CNTNAP2: variants seen among roughly 807,000 people sequenced by gnomAD.
CNTNAP2 encodes the protein contactin-associated protein-like 2.
A neutral mutation model predicts 155.2 loss-of-function variants in CNTNAP2; 98 were observed. The ratio of observed to expected loss-of-function variants is 0.63; its 90% CI spans 0.54 to 0.75. The LOEUF is 0.75. Among genes scored for constraint, CNTNAP2 ranks in the 30% least tolerant of loss-of-function variants. The pLI, the probability that CNTNAP2 is intolerant of heterozygous loss-of-function variation, is 0.00. For missense variants in CNTNAP2, 1,727 were observed against 1,688.1 expected (o/e 1.02, Z -0.40); for synonymous variants, 651 against 631.2 (o/e 1.03, Z -0.47).
intron 4 of CNTNAP2, among the ~76,000 whole-genome samples, chr7:147,102,446 C>G (rs1225312303): frequency 6.6e-6 from 1 of 152,036 alleles, no homozygotes; most frequent in Non-Finnish European, 1.5e-5. Flanking sequence ...TTCCAAGTTA[C>G]TGGATTGGAA....
chr7:147,460,871 C>G (rs1252364688), intron 10 of CNTNAP2, among the ~76,000 whole-genome samples: 1 of 152,152 alleles, frequency 6.6e-6, no homozygotes, highest in Non-Finnish European at 1.5e-5. Flanking sequence ...TATTCTGCAT[C>G]TAGTTAGGGA....
intron 1 of CNTNAP2, among the ~76,000 whole-genome samples, chr7:146,493,383 G>A (rs1026624800): frequency 2.0e-5 from 3 of 152,126 alleles, no homozygotes; most frequent in Admixed American, 6.6e-5. Flanking sequence ...GATTGTTTTG[G>A]AGTCATGTTT....
intron 3 of CNTNAP2, among the ~76,000 whole-genome samples, chr7:146,934,900 C>T (rs1796878107): frequency 1.3e-5 from 2 of 152,122 alleles, no homozygotes; most frequent in Admixed American, 6.5e-5. Flanking sequence ...TGACCATGAC[C>T]TTTTATGATC....
intron 3 of CNTNAP2, among the ~76,000 whole-genome samples, chr7:146,871,220 T>C (rs925061376): frequency 3.9e-5 from 6 of 152,078 alleles, no homozygotes; most frequent in African/African-American, 1.2e-4. Context: ...CTTACCAATT[T>C]TGTTTTTTCC....
intron 1 of CNTNAP2, among the ~76,000 whole-genome samples, chr7:146,289,958 T>C (rs1035274241): frequency 2.0e-5 from 3 of 152,218 alleles, no homozygotes; most frequent in Admixed American, 2.0e-4. Flanking sequence ...ATTATTATTT[T>C]AAGAAATGAA....
chr7:146,118,101 G>A (rs1797512608), intron 1 of CNTNAP2, among the ~76,000 whole-genome samples: 1 of 152,136 alleles, frequency 6.6e-6, no homozygotes, highest in African/African-American at 2.4e-5. Context: ...TCTTATTGTA[G>A]TGGTAAATAT....
At chr7:146,896,693 T>C (rs568506931) in intron 3 of CNTNAP2, among the ~76,000 whole-genome samples, 31 of 152,142 alleles carry the variant, frequency 2.0e-4, no homozygotes, top group African/African-American at 7.5e-4. Flanking sequence ...GAATAGAAAC[T>C]AAGCCCAAGC....
chr7:147,411,888 A>G (rs1181620895), intron 10 of CNTNAP2, among the ~76,000 whole-genome samples: 1 of 152,252 alleles, frequency 6.6e-6, no homozygotes, highest in African/African-American at 2.4e-5. Context: ...TGATGTTTCG[A>G]AAGATTATAA....
At chr7:148,122,648 G>A (rs73744749) in intron 16 of CNTNAP2, among the ~76,000 whole-genome samples, 4,133 of 152,180 alleles carry the variant, frequency 0.027, 182 homozygotes, top group African/African-American at 0.094. Flanking sequence ...GAGCCAGGGC[G>A]TAACTTGATC....
At chr7:147,069,424 C>T (rs1307257622) in intron 4 of CNTNAP2, among the ~76,000 whole-genome samples, 1 of 152,204 alleles carries the variant, frequency 6.6e-6, no homozygotes, top group East Asian at 1.9e-4. Flanking sequence ...GGGGATTATA[C>T]AGGTCACCTG....
At chr7:146,875,934 C>CAAAAAAAAAAAA (rs56304234) in intron 3 of CNTNAP2, among the ~76,000 whole-genome samples, 20 of 55,134 alleles carry the variant, frequency 3.6e-4, no homozygotes, top group Middle Eastern at 0.019. Flanking sequence ...ACATACACAG[C>CAAAAAAAAAAAA]AAAAAAAAAA....
chr7:147,700,986 A>T (rs571707061), intron 13 of CNTNAP2, among the ~76,000 whole-genome samples: 3 of 152,276 alleles, frequency 2.0e-5, no homozygotes, highest in South Asian at 4.1e-4. Context: ...AGCTAAGAGG[A>T]TGGATGGCAT....
intron 1 of CNTNAP2, among the ~76,000 whole-genome samples, chr7:146,140,339 C>T (rs1797859213): frequency 6.6e-6 from 1 of 152,064 alleles, no homozygotes; most frequent in African/African-American, 2.4e-5. Context: ...TGTCCATCTC[C>T]TATTCATGCA....
intron 14 of CNTNAP2, among the ~76,000 whole-genome samples, chr7:147,952,282 A>C (rs1283434630): frequency 1.5e-5 from 1 of 68,518 alleles, no homozygotes; most frequent in Admixed American, 1.7e-4. Context: ...ATCTCTACTA[A>C]AAATACAAAA....
intron 1 of CNTNAP2, among the ~76,000 whole-genome samples, chr7:146,536,608 T>G (rs898971968): frequency 7.0e-6 from 1 of 142,872 alleles, no homozygotes; most frequent in South Asian, 2.3e-4. Flanking sequence ...CACCACCATT[T>G]TTAAAGACTC....
chr7:147,026,288 G>A (rs1798917937), intron 3 of CNTNAP2, among the ~76,000 whole-genome samples: 1 of 152,152 alleles, frequency 6.6e-6, no homozygotes, highest in Non-Finnish European at 1.5e-5. Context: ...AACATAGATT[G>A]TATCTGAGGA....
At chr7:147,182,964 G>A (rs946146175) in intron 8 of CNTNAP2, among the ~76,000 whole-genome samples, 2 of 152,060 alleles carry the variant, frequency 1.3e-5, no homozygotes, top group African/African-American at 4.8e-5. Flanking sequence ...AAATAAATGT[G>A]ATAAGAGCTA....
intron 17 of CNTNAP2, among the ~76,000 whole-genome samples, chr7:148,167,786 C>A (rs1223888002): frequency 6.6e-6 from 1 of 152,086 alleles, no homozygotes; most frequent in Admixed American, 6.5e-5. Flanking sequence ...AGGAAAGATC[C>A]ACAAACACAA....
intron 1 of CNTNAP2, among the ~76,000 whole-genome samples, chr7:146,263,069 A>G (rs1418500194): frequency 1.3e-5 from 2 of 152,140 alleles, no homozygotes; most frequent in African/African-American, 4.8e-5. Flanking sequence ...ATGTAATCCC[A>G]GCACTTTGGG....
Sources: allele counts gnomAD v4.1 joint callset (sites outside exome capture counted in the v4.1 genomes callset), GRCh38; gene constraint gnomAD v4.1.1; transcripts MANE v1.5; gene names NCBI Gene and HGNC (gene_info 2026-07-23, HGNC 2026-07-21).